C1QTNF3: variants seen among roughly 807,000 people sequenced by gnomAD.
C1QTNF3 encodes the protein complement C1q tumor necrosis factor-related protein 3.
C1QTNF3 carries 26 observed loss-of-function variants against 32.6 expected under a neutral mutation model. That is an observed-to-expected ratio of 0.80 (90% CI 0.58 to 1.11). The LOEUF (loss-of-function observed/expected upper bound fraction) is 1.11. Among genes scored for constraint, C1QTNF3 ranks in the 50% least tolerant of loss-of-function variants. The pLI, the probability that C1QTNF3 is intolerant of heterozygous loss-of-function variation, is 0.00. For missense variants in C1QTNF3, 362 were observed against 398.2 expected, an observed-to-expected ratio of 0.91 and a Z score of 0.77; for synonymous variants, 155 against 146.0, an observed-to-expected ratio of 1.06 and a Z score of -0.44.
At chr5:34,050,072 T>C in the C1QTNF3 span, among the ~76,000 whole-genome samples, 1 of 152,230 alleles carries the variant, frequency 6.6e-6, no homozygotes, top group Non-Finnish European at 1.5e-5. Context: ...TCATGAAGAA[T>C]AATCCAGTGA....
the C1QTNF3 span, among the ~76,000 whole-genome samples, chr5:34,114,453 T>G: frequency 1.3e-5 from 2 of 152,178 alleles, no homozygotes; most frequent in African/African-American, 4.8e-5. Flanking sequence ...GAATATGTAC[T>G]TATATCAAAG....
At chr5:34,140,457 T>C in the C1QTNF3 span, among the ~76,000 whole-genome samples, 3 of 152,352 alleles carry the variant, frequency 2.0e-5, no homozygotes, top group African/African-American at 7.2e-5. Flanking sequence ...TCCAAAGTTA[T>C]TAACACTGTC....
chr5:34,054,323 G>T, the C1QTNF3 span, among the ~76,000 whole-genome samples: 1 of 152,242 alleles, frequency 6.6e-6, no homozygotes, highest in Non-Finnish European at 1.5e-5. Context: ...AGGCGTGAAA[G>T]ATGAGATAAA....
At chr5:34,219,406 T>C in the C1QTNF3 span, among the ~76,000 whole-genome samples, 637 of 151,412 alleles carry the variant, frequency 4.2e-3, 2 homozygotes, top group Admixed American at 3.9e-3. Context: ...ACTTAGGGAG[T>C]AGAAAGTGGA....
chr5:34,223,682 T>C, the C1QTNF3 span, among the ~76,000 whole-genome samples: 2 of 152,026 alleles, frequency 1.3e-5, no homozygotes, highest in South Asian at 4.1e-4. Context: ...CCAGCACCTG[T>C]TGTTTCCTGA....
At chr5:34,065,190 A>T in the C1QTNF3 span, among the ~76,000 whole-genome samples, 1 of 152,236 alleles carries the variant, frequency 6.6e-6, no homozygotes, top group Non-Finnish European at 1.5e-5. Flanking sequence ...TAAGCAAATC[A>T]ACCAGCAAAA....
chr5:34,075,857 T>G, the C1QTNF3 span, among the ~76,000 whole-genome samples: 1 of 147,146 alleles, frequency 6.8e-6, no homozygotes, highest in Non-Finnish European at 1.5e-5. Flanking sequence ...ACACAGTCAA[T>G]GAATGGATAA....
the C1QTNF3 span, chr5:34,166,859 T>A: frequency 6.6e-6 from 1 of 152,076 alleles, no homozygotes; most frequent in African/African-American, 2.4e-5. Flanking sequence ...CATACCTAGA[T>A]CATATAAATT....
chr5:34,027,735 C>CAAAAAAA (rs34375086), intron 4 of C1QTNF3, among the ~76,000 whole-genome samples: 9 of 81,020 alleles, frequency 1.1e-4, no homozygotes, highest in Middle Eastern at 7.5e-3. Context: ...CCACCACCAC[C>CAAAAAAA]AAAAAAAAAA....
chr5:34,217,358 T>G, the C1QTNF3 span, among the ~76,000 whole-genome samples: 1 of 152,136 alleles, frequency 6.6e-6, no homozygotes, highest in Admixed American at 6.6e-5. Context: ...TGTCCTCTTT[T>G]ACATATAGGA....
intron 4 of C1QTNF3, chr5:34,024,323 C>T (rs1754410827): frequency 3.8e-6 from 1 of 261,972 alleles, no homozygotes; most frequent in South Asian, 5.0e-5. Flanking sequence ...TGTTCCTGGG[C>T]ATAGGTTAGC....
At chr5:34,103,441 T>C in the C1QTNF3 span, among the ~76,000 whole-genome samples, 1 of 151,714 alleles carries the variant, frequency 6.6e-6, no homozygotes, top group African/African-American at 2.4e-5. Context: ...TTACAAACAT[T>C]AATGTTTCTT....
the C1QTNF3 span, among the ~76,000 whole-genome samples, chr5:34,131,173 T>G: frequency 6.6e-6 from 1 of 152,190 alleles, no homozygotes; most frequent in African/African-American, 2.4e-5. Context: ...TAACATTATA[T>G]TTAGAGTGGC....
At chr5:34,146,606 C>T in the C1QTNF3 span, among the ~76,000 whole-genome samples, 5 of 152,164 alleles carry the variant, frequency 3.3e-5, no homozygotes, top group Non-Finnish European at 5.9e-5. Flanking sequence ...GGATAGTTGG[C>T]TAGTCACATG....
the C1QTNF3 span, among the ~76,000 whole-genome samples, chr5:34,176,554 A>C: frequency 6.6e-6 from 1 of 152,152 alleles, no homozygotes; most frequent in East Asian, 1.9e-4. Flanking sequence ...CTATCTGCTG[A>C]TACAGTCTTA....
the C1QTNF3 span, among the ~76,000 whole-genome samples, chr5:34,157,601 T>C: frequency 5.9e-5 from 9 of 152,200 alleles, no homozygotes; most frequent in Non-Finnish European, 1.0e-4. Context: ...AAGCAGAGAA[T>C]CATTCCTGGC....
At chr5:34,027,992 A>G (rs1384602992) in intron 4 of C1QTNF3, among the ~76,000 whole-genome samples, 1 of 150,076 alleles carries the variant, frequency 6.7e-6, no homozygotes, top group South Asian at 2.1e-4. Context: ...TTTTTTTTTG[A>G]GACGGAGTCT....
the C1QTNF3 span, among the ~76,000 whole-genome samples, chr5:34,201,921 G>A: frequency 6.6e-6 from 1 of 152,128 alleles, no homozygotes; most frequent in African/African-American, 2.4e-5. Flanking sequence ...TCAAAAAGAT[G>A]CTCCTACTAT....
At chr5:34,073,401 C>A in the C1QTNF3 span, among the ~76,000 whole-genome samples, 2 of 151,644 alleles carry the variant, frequency 1.3e-5, 1 homozygote, top group South Asian at 4.1e-4. Context: ...ATGAATAATG[C>A]ATTTATAAAT....
Sources: gnomAD v4.1 joint callset for allele counts (sites outside exome capture counted in the v4.1 genomes callset) on GRCh38, gnomAD v4.1.1 for gene constraint, MANE v1.5 for transcripts, NCBI Gene and HGNC (gene_info 2026-07-23, HGNC 2026-07-21) for gene names.